MGAT4C: variants seen among roughly 807,000 people sequenced by gnomAD.
MGAT4C encodes the protein MGAT4 family member C.
MGAT4C carries 19 observed loss-of-function variants against 40.1 expected under a neutral mutation model. That is an observed-to-expected ratio of 0.47 (90% CI 0.33 to 0.70). The LOEUF is 0.70. MGAT4C is among the 30% of genes least tolerant of loss of function. The pLI, the probability that MGAT4C is intolerant of heterozygous loss-of-function variation, is 0.02. For missense variants in MGAT4C, 491 were observed against 563.2 expected (o/e 0.87, Z 1.30); for synonymous variants, 181 against 187.1 (o/e 0.97, Z 0.27).
chr12:86,492,347 T>C (rs1565800075), intron 2 of MGAT4C, among the ~76,000 whole-genome samples: 1 of 152,202 alleles, frequency 6.6e-6, no homozygotes, highest in Admixed American at 6.5e-5. Context: ...AAGTCAATCC[T>C]AAGCCAAAAG....
intron 1 of MGAT4C, among the ~76,000 whole-genome samples, chr12:86,191,662 CA>C (rs1708858972): frequency 5.2e-5 from 7 of 135,456 alleles, no homozygotes; most frequent in Non-Finnish European, 7.7e-5. Context: ...CACACACACA[CA>C]CACACACACA....
chr12:86,042,364 G>A (rs185634453), intron 2 of MGAT4C, among the ~76,000 whole-genome samples: 54 of 152,190 alleles, frequency 3.5e-4, no homozygotes, highest in Admixed American at 3.0e-3. Flanking sequence ...TTGTTAGCTC[G>A]TTTTTATACA....
intron 4 of MGAT4C, among the ~76,000 whole-genome samples, chr12:86,278,465 C>T (rs539577976): frequency 9.2e-5 from 14 of 152,212 alleles, no homozygotes; most frequent in African/African-American, 2.6e-4. Context: ...AGGCGTGAGC[C>T]ACCATGCCCA....
At chr12:86,700,067 A>ATAGATAGATAGATAG (rs1327137097) in intron 2 of MGAT4C, among the ~76,000 whole-genome samples, 3 of 8,566 alleles carry the variant, frequency 3.5e-4, no homozygotes, top group Non-Finnish European at 7.5e-4. Flanking sequence ...TAGATAGATA[A>ATAGATAGATAGATAG]GATAGATAGA....
rs1462888832 is a variant in MGAT4C at position 86,748,831 on chromosome 12, T to C, written c.-261-21590A>G. ...AAGAAAATTTAAAAAATTTAGTATATTAGTAGGTAATTCAGCCAAAGAAGC... is the reference window on the plus strand; with the variant it reads ...AAGAAAATTTAAAAAATTTAGTATACTAGTAGGTAATTCAGCCAAAGAAGC... On this transcript the variant is annotated intron_variant, in intron 1 of 7. Transcript: ENST00000548651. Among the ~76,000 whole-genome samples, 4 of 151,544 alleles carry C rather than the reference T, an allele frequency of 2.6e-5. No individual in the cohort carries two copies. In the Admixed American group the frequency reaches 2.6e-4, roughly 10 times the overall value.
intron 2 of MGAT4C, among the ~76,000 whole-genome samples, chr12:86,542,340 T>C (rs901396665): frequency 1.4e-5 from 2 of 140,038 alleles, no homozygotes; most frequent in Non-Finnish European, 3.1e-5. Flanking sequence ...GAAGAGGTTC[T>C]ACTCAGCTCC....
At chr12:86,636,166 C>G (rs1282174182) in intron 2 of MGAT4C, among the ~76,000 whole-genome samples, 1 of 151,994 alleles carries the variant, frequency 6.6e-6, no homozygotes, top group Non-Finnish European at 1.5e-5. Context: ...TAATTGTACT[C>G]TATAATGTTT....
chr12:86,156,110 TAC>T lies in MGAT4C; in HGVS notation c.-57+100127_-57+100128del, dbSNP rs1482937029. On this transcript the variant is annotated intron_variant, in intron 1 of 4. Transcript: ENST00000611864. ...ACACATATATAAACACACATATATA[TAC>T]AGTTATTTTCTCATATGCTCTTTGG... Among the ~76,000 whole-genome samples the T allele has an allele frequency of 2.6e-5, 4 of 152,334 alleles. No homozygotes were observed. The East Asian group carries it at 7.7e-4, about 29-fold the overall frequency.
chr12:86,203,671 T>C (rs550396195), intron 1 of MGAT4C, among the ~76,000 whole-genome samples: 1 of 152,216 alleles, frequency 6.6e-6, no homozygotes, highest in African/African-American at 2.4e-5. Flanking sequence ...TCAAGAAATA[T>C]ACATAGCCGG....
chr12:86,034,467 A>G (rs889104075), intron 2 of MGAT4C, among the ~76,000 whole-genome samples: 2 of 149,076 alleles, frequency 1.3e-5, no homozygotes, highest in African/African-American at 2.4e-5. Flanking sequence ...TTTCTGGTTC[A>G]ATTTGGGAGG....
intron 4 of MGAT4C, among the ~76,000 whole-genome samples, chr12:86,289,635 G>A (rs1443215141): frequency 2.6e-5 from 4 of 152,122 alleles, no homozygotes; most frequent in African/African-American, 9.7e-5. Flanking sequence ...CTGGCTAGCT[G>A]TATTCCTAGG....
chr12:86,785,601 T>TA (rs559037839), intron 1 of MGAT4C, among the ~76,000 whole-genome samples: 4 of 151,758 alleles, frequency 2.6e-5, no homozygotes, highest in Non-Finnish European at 4.4e-5. Flanking sequence ...TTATATTCAA[T>TA]AAAAAATAAC....
At chr12:86,784,656 CAGT>C (rs1179087280) in intron 1 of MGAT4C, among the ~76,000 whole-genome samples, 1 of 150,278 alleles carries the variant, frequency 6.7e-6, no homozygotes, top group African/African-American at 2.4e-5. Flanking sequence ...ATGAATATCT[CAGT>C]AGGTAAAAGA....
intron 1 of MGAT4C, among the ~76,000 whole-genome samples, chr12:86,175,160 T>C (rs1236231906): frequency 1.3e-5 from 2 of 152,132 alleles, no homozygotes; most frequent in East Asian, 1.9e-4. Context: ...AAAGAATGTA[T>C]AGAAATGTAC....
chr12:86,321,055 GA>G (rs949860476), intron 4 of MGAT4C, among the ~76,000 whole-genome samples: 8 of 151,880 alleles, frequency 5.3e-5, no homozygotes, highest in African/African-American at 9.6e-5. Flanking sequence ...TCTTTTAATA[GA>G]AAAAAACTAG....
chr12:86,602,171 C>A (rs548190788), intron 2 of MGAT4C, among the ~76,000 whole-genome samples: 1 of 152,220 alleles, frequency 6.6e-6, no homozygotes, highest in African/African-American at 2.4e-5. Context: ...CTGGCTGACC[C>A]TTGGCAGGTG....
chr12:86,058,318 C>A (rs1565920846), intron 1 of MGAT4C, among the ~76,000 whole-genome samples: 1 of 151,966 alleles, frequency 6.6e-6, no homozygotes, highest in East Asian at 1.9e-4. Flanking sequence ...GTATAAATCT[C>A]AAAAAATCTA....
At chr12:86,157,724 T>C (rs1319489529) in intron 1 of MGAT4C, among the ~76,000 whole-genome samples, 1 of 152,126 alleles carries the variant, frequency 6.6e-6, no homozygotes, top group Non-Finnish European at 1.5e-5. Context: ...TCTTACATGG[T>C]GGCAGGAGAG....
chr12:85,999,228 T>C (rs1362890884), intron 2 of MGAT4C, among the ~76,000 whole-genome samples: 1 of 152,086 alleles, frequency 6.6e-6, no homozygotes, highest in Non-Finnish European at 1.5e-5. Context: ...CTGCCTCCCA[T>C]GACACATGGC....
Sources: gnomAD v4.1 joint callset for allele counts (sites outside exome capture counted in the v4.1 genomes callset) on GRCh38, gnomAD v4.1.1 for gene constraint, MANE v1.5 for transcripts, NCBI Gene and HGNC (gene_info 2026-07-23, HGNC 2026-07-21) for gene names.